The following FGGY variants were observed in gnomAD, a reference collection of about 807,000 sequenced individuals.
FGGY encodes FGGY carbohydrate kinase domain-containing protein.
In FGGY, 72 loss-of-function variants were observed where a neutral mutation model predicts 71.3. That is an observed-to-expected ratio of 1.01 (90% CI 0.84 to 1.23). The LOEUF (loss-of-function observed/expected upper bound fraction) is 1.23. Among genes scored for constraint, FGGY ranks in the 50% most tolerant of loss-of-function variants. The pLI, the probability that FGGY is intolerant of heterozygous loss-of-function variation, is 0.00. For synonymous variants in FGGY, 251 were observed against 250.3 expected, an observed-to-expected ratio of 1.00 and a Z score of -0.02; for missense variants, 668 against 682.3, an observed-to-expected ratio of 0.98 and a Z score of 0.23.
At chr1:59,602,101 A>T (rs768198652) in intron 8 of FGGY, among the ~76,000 whole-genome samples, 13 of 152,222 alleles carry the variant, frequency 8.5e-5, no homozygotes, top group Non-Finnish European at 1.3e-4. Context: ...GAAATCTTAG[A>T]AAACCTCAAA....
At chr1:59,629,982 A>G (rs1447819810) in intron 10 of FGGY, among the ~76,000 whole-genome samples, 1 of 152,174 alleles carries the variant, frequency 6.6e-6, no homozygotes, top group Non-Finnish European at 1.5e-5. Flanking sequence ...GGTAATTTAT[A>G]AAGGAAAGAG....
intron 14 of FGGY, among the ~76,000 whole-genome samples, chr1:59,751,785 T>C (rs1322337320): frequency 6.6e-6 from 1 of 152,228 alleles, no homozygotes; most frequent in African/African-American, 2.4e-5. Flanking sequence ...ACATCACCAT[T>C]TTCTTGTTTA....
chr1:59,605,919 G>T (rs1572000091), intron 8 of FGGY, among the ~76,000 whole-genome samples: 1 of 152,228 alleles, frequency 6.6e-6, no homozygotes, highest in South Asian at 2.1e-4. Flanking sequence ...CTCAAGACCT[G>T]CTGGAATACA....
At chr1:59,654,887 C>T (rs569249240) in intron 11 of FGGY, among the ~76,000 whole-genome samples, 2 of 152,284 alleles carry the variant, frequency 1.3e-5, no homozygotes, top group African/African-American at 4.8e-5. Flanking sequence ...GGACAGTAAC[C>T]ATCTGTCTCT....
intron 6 of FGGY, among the ~76,000 whole-genome samples, chr1:59,500,609 G>T (rs1326331771): frequency 1.7e-5 from 2 of 118,138 alleles, no homozygotes; most frequent in Admixed American, 1.2e-4. Flanking sequence ...TTAGAACTCA[G>T]ATTATCCTGA....
chr1:59,750,770 A>G (rs1307004810), intron 14 of FGGY, among the ~76,000 whole-genome samples: 1 of 152,156 alleles, frequency 6.6e-6, no homozygotes, highest in East Asian at 1.9e-4. Context: ...TCACATTGAT[A>G]TATTTTCTGT....
At chr1:59,627,449 T>G (rs568099243) in intron 10 of FGGY, among the ~76,000 whole-genome samples, 36 of 107,020 alleles carry the variant, frequency 3.4e-4, no homozygotes, top group African/African-American at 1.3e-3. Flanking sequence ...TATCAACTTA[T>G]GATTTTATAT....
intron 9 of FGGY, among the ~76,000 whole-genome samples, chr1:59,610,581 A>G (rs189878872): frequency 6.6e-6 from 1 of 152,350 alleles, no homozygotes; most frequent in East Asian, 1.9e-4. Flanking sequence ...AGCTCCCAGC[A>G]TGAGCGATGC....
intron 2 of FGGY, among the ~76,000 whole-genome samples, chr1:59,334,588 T>G (rs1644291822): frequency 6.6e-6 from 1 of 152,208 alleles, no homozygotes; most frequent in Non-Finnish European, 1.5e-5. Context: ...TGAAAAAAAT[T>G]ACTGCTTTTC....
intron 8 of FGGY, among the ~76,000 whole-genome samples, chr1:59,589,091 G>A (rs2096373658): frequency 6.6e-6 from 1 of 152,156 alleles, no homozygotes. Flanking sequence ...AAGGATGGAG[G>A]AAGATCTCCC....
chr1:59,667,924 G>A lies in FGGY; in HGVS notation c.1417+521G>A, dbSNP rs562996298. On this transcript the variant is annotated intron_variant, in intron 13 of 15. Transcript: ENST00000303721. ...TTGGGACCTAATGGCAGCTCAGGGCGTGTGGTCTGGAAGAAGTGATAAGAA... is the reference window on the plus strand; with the variant it reads ...TTGGGACCTAATGGCAGCTCAGGGCATGTGGTCTGGAAGAAGTGATAAGAA... 3.9e-5 allele frequency among the ~76,000 whole-genome samples: 6 copies of A among 152,332 alleles called. No homozygotes were observed. In the South Asian group the frequency reaches 6.2e-4, roughly 16 times the overall value.
chr1:59,615,255 C>T (rs2096738943), intron 9 of FGGY, among the ~76,000 whole-genome samples: 1 of 152,188 alleles, frequency 6.6e-6, no homozygotes, highest in Non-Finnish European at 1.5e-5. Flanking sequence ...AACTATACTA[C>T]AAGGCTACAG....
intron 6 of FGGY, among the ~76,000 whole-genome samples, chr1:59,463,677 C>G (rs561178015): frequency 1.1e-3 from 116 of 107,788 alleles, no homozygotes; most frequent in Middle Eastern, 5.0e-3. Flanking sequence ...ATCTACCAAG[C>G]AAATGGAAAA....
At chr1:59,456,933 T>C in intron 5 of FGGY, 28 bp from the exon 6 acceptor site, 1 of 1,541,522 alleles carries the variant, frequency 6.5e-7, no homozygotes, top group Non-Finnish European at 9.0e-7. Context: ...TATGGTCAGT[T>C]CTATCTATAT....
intron 6 of FGGY, among the ~76,000 whole-genome samples, chr1:59,463,681 T>C (rs1035774028): frequency 1.2e-5 from 1 of 86,680 alleles, no homozygotes; most frequent in Admixed American, 1.2e-4. Context: ...ACCAAGCAAA[T>C]GGAAAAAAAA....
chr1:59,663,449 G>C (rs1204922339), intron 12 of FGGY, among the ~76,000 whole-genome samples: 1 of 152,088 alleles, frequency 6.6e-6, no homozygotes, highest in Non-Finnish European at 1.5e-5. Flanking sequence ...TCCTTTCCTG[G>C]TAAGAGTACT....
intron 6 of FGGY, among the ~76,000 whole-genome samples, chr1:59,462,894 G>A (rs549269044): frequency 0.012 from 1,762 of 151,794 alleles, 33 homozygotes; most frequent in African/African-American, 0.04. Context: ...GTGGAAGTCA[G>A]TGTGGTGATT....
intron 8 of FGGY, among the ~76,000 whole-genome samples, chr1:59,601,960 C>A (rs1251577843): frequency 6.6e-6 from 1 of 152,164 alleles, no homozygotes; most frequent in African/African-American, 2.4e-5. Flanking sequence ...AAAGTAAGTA[C>A]TTCAAGAAGC....
chr1:59,326,504 C>A (rs1346656865), intron 2 of FGGY, among the ~76,000 whole-genome samples: 1 of 152,094 alleles, frequency 6.6e-6, no homozygotes, highest in Admixed American at 6.5e-5. Context: ...AGTTGTTATT[C>A]CCATTTACAT....
Sources: allele counts gnomAD v4.1 joint callset (sites outside exome capture counted in the v4.1 genomes callset), GRCh38; gene constraint gnomAD v4.1.1; transcripts MANE v1.5; gene names NCBI Gene and HGNC (gene_info 2026-07-23, HGNC 2026-07-21).